KCNT1: variants seen among roughly 807,000 people sequenced by gnomAD.
KCNT1 encodes the protein potassium channel subfamily T member 1.
A neutral mutation model predicts 147.8 loss-of-function variants in KCNT1; 78 were observed. The ratio of observed to expected loss-of-function variants is 0.53; its 90% confidence interval spans 0.44 to 0.64. The LOEUF (loss-of-function observed/expected upper bound fraction) is 0.64. KCNT1 is among the 30% of genes least tolerant of loss of function. The pLI, the probability that KCNT1 is intolerant of heterozygous loss-of-function variation, is 0.00. For missense variants in KCNT1, 1,419 were observed against 1,750.3 expected (o/e 0.81, Z 3.38); for synonymous variants, 867 against 748.8 (o/e 1.16, Z -2.58).
At chr9:135,723,929 G>A (rs117058590) in intron 2 of KCNT1, among the ~76,000 whole-genome samples, 2,260 of 152,290 alleles carry the variant, frequency 0.015, 71 homozygotes, top group East Asian at 0.11. Flanking sequence ...ACCAGTGTCC[G>A]TTCCCCTGAG....
chr9:135,779,117 C>T (rs1461124510), intron 23 of KCNT1, among the ~76,000 whole-genome samples: 1 of 148,394 alleles, frequency 6.7e-6, no homozygotes, highest in African/African-American at 2.5e-5. Context: ...CAGCCACGAC[C>T]ACAAGCCCTC....
intron 29 of KCNT1, among the ~76,000 whole-genome samples, chr9:135,788,652 G>C (rs1325604759): frequency 6.6e-6 from 1 of 152,214 alleles, no homozygotes; most frequent in East Asian, 1.9e-4. Flanking sequence ...GGATGCAGGG[G>C]TGGGGACTCC....
At chr9:135,743,437 A>C (rs954892457) in intron 2 of KCNT1, among the ~76,000 whole-genome samples, 1 of 151,974 alleles carries the variant, frequency 6.6e-6, no homozygotes, top group African/African-American at 2.4e-5. Flanking sequence ...ACCACCGAGC[A>C]CTCAGCACTC....
chr9:135,769,482 C>T (rs529176762), intron 15 of KCNT1, among the ~76,000 whole-genome samples: 1 of 152,264 alleles, frequency 6.6e-6, no homozygotes, highest in Admixed American at 6.5e-5. Flanking sequence ...CTAGGGGGTC[C>T]AAACTCTTCA....
intron 13 of KCNT1, among the ~76,000 whole-genome samples, chr9:135,766,377 AGGGTGGATCATCTG>A (rs1343139585): frequency 2.7e-5 from 4 of 150,728 alleles, no homozygotes; most frequent in African/African-American, 9.8e-5. Flanking sequence ...TGGACCATCC[AGGGTGGATCATCTG>A]GGGTGGACCA....
Position 135,741,129 on chromosome 9 carries a change from G to A in KCNT1, c.255-8969G>A, listed in dbSNP as rs538030124. On this transcript the variant is annotated intron_variant, in intron 2 of 30. Transcript: ENST00000371757. ...AAAATCAGTGGGGACGGCTGTCCTGGGCCTCAGGCTGTGGGACATCTGACA... is the reference window on the plus strand; with the variant it reads ...AAAATCAGTGGGGACGGCTGTCCTGAGCCTCAGGCTGTGGGACATCTGACA... Among the ~76,000 whole-genome samples, 9 of 152,334 alleles carry A rather than the reference G, an allele frequency of 5.9e-5. No individual in the cohort carries two copies. The East Asian group carries it at 1.7e-3, about 29-fold the overall frequency.
At chr9:135,751,272 CT>C (rs2131412432) in intron 4 of KCNT1, among the ~76,000 whole-genome samples, 1 of 152,134 alleles carries the variant, frequency 6.6e-6, no homozygotes, top group East Asian at 1.9e-4. Flanking sequence ...AGACTTCCAG[CT>C]GTGCCCTTAG....
In KCNT1 at chr9:135,784,745, G is replaced by A. The variant is rs1236949709; in HGVS notation, c.3028-16G>A. 3 of 1,611,682 alleles carry A rather than the reference G, an allele frequency of 1.9e-6. No individual in the cohort carries two copies. In the Admixed American group the frequency reaches 5.0e-5, roughly 27 times the overall value. On this transcript the variant is annotated splice_polypyrimidine_tract_variant and intron_variant, in intron 26 of 30. Coordinates refer to ENST00000371757, the MANE Select transcript of KCNT1 (RefSeq NM_020822.3). Reference sequence around the variant, plus strand: ...CTGCCACCTGCCCCAGCCAACTCAGGGTTCCCACCCTGCAGATGAAAATCA... The same window carrying A: ...CTGCCACCTGCCCCAGCCAACTCAGAGTTCCCACCCTGCAGATGAAAATCA...
chr9:135,714,713 G>A lies in KCNT1; in HGVS notation c.247G>A (p.Asp83Asn). 1 of 1,432,762 alleles carries A rather than the reference G, an allele frequency of 7.0e-7. No individual in the cohort carries two copies. Among genetic ancestry groups the A allele is most frequent in the Non-Finnish European group, 9.3e-7 (1 of 1,079,298 alleles). The allele number at this position is 1,432,762 out of a possible 1,614,324, so 88.8% of individuals were successfully genotyped here. Residue 83 changes from aspartate (D) to asparagine (N), a missense_variant, in exon 2 of 31, where the codon GAC becomes AAC. Asp to Asn is a conservative substitution (Grantham distance 23, BLOSUM62 1). Coordinates refer to ENST00000371757, the MANE Select transcript of KCNT1 (RefSeq NM_020822.3). This position sits in a 1 kb window ranked among gnomAD's most constrained non-coding sequence, Gnocchi z 6.2. ...LLLGDPSFQN[D>N]DRVQVEFYVN... ...GCTGGGCGACCCGTCCTTCCAGAAC[G>A]ACGACAGGTAGGGACCGGGCGCGGG...
At chr9:135,724,543 A>G (rs1443919781) in intron 2 of KCNT1, among the ~76,000 whole-genome samples, 2 of 152,258 alleles carry the variant, frequency 1.3e-5, no homozygotes, top group Non-Finnish European at 2.9e-5. Context: ...GTCATGCAAC[A>G]GAGGTCAAGT....
intron 23 of KCNT1, 116 bp from the exon 24 acceptor site, chr9:135,779,243 C>T: frequency 1.6e-6 from 1 of 639,606 alleles, no homozygotes; most frequent in Non-Finnish European, 2.7e-6. Context: ...CCTGAGACCC[C>T]CCCACAGCCA....
intron 19 of KCNT1, among the ~76,000 whole-genome samples, chr9:135,774,415 T>G (rs1235140793): frequency 7.0e-6 from 1 of 142,330 alleles, no homozygotes; most frequent in Non-Finnish European, 1.5e-5. Context: ...GTGTGTGGTG[T>G]GTGTCTGTGT....
intron 2 of KCNT1, among the ~76,000 whole-genome samples, chr9:135,736,318 G>A (rs1288413990): frequency 2.6e-5 from 4 of 152,152 alleles, no homozygotes; most frequent in Non-Finnish European, 4.4e-5. Flanking sequence ...TCTGCCGCCC[G>A]GGGTGGGCGC....
chr9:135,770,541 G>A, intron 17 of KCNT1, 94 bp downstream of exon 17: 1 of 1,476,136 alleles, frequency 6.8e-7, no homozygotes, highest in Middle Eastern at 1.9e-4. Flanking sequence ...GGTGGCCCTG[G>A]GGCGGGGCTG....
chr9:135,727,317 C>T (rs1588273186), intron 2 of KCNT1, among the ~76,000 whole-genome samples: 1 of 130,718 alleles, frequency 7.7e-6, no homozygotes, highest in Admixed American at 7.6e-5. Flanking sequence ...CCCATTCTCT[C>T]TCTCCCCCTC....
At chr9:135,729,339 G>A (rs1404053313) in intron 2 of KCNT1, among the ~76,000 whole-genome samples, 1 of 152,240 alleles carries the variant, frequency 6.6e-6, no homozygotes, top group African/African-American at 2.4e-5. Flanking sequence ...GGGGAGCTGA[G>A]AGCAACCCCC....
rs529222080 is a variant in KCNT1 at position 135,730,451 on chromosome 9, T to C, written c.254+15731T>C. ...GGGAAATTATCGTGGATGATCTGGGTGAGCCAAGATCATCACAGATTCCTA... is the reference window on the plus strand; with the variant it reads ...GGGAAATTATCGTGGATGATCTGGGCGAGCCAAGATCATCACAGATTCCTA... On this transcript the variant is annotated intron_variant, in intron 2 of 30. Transcript: ENST00000371757. This position sits in a 1 kb window ranked among gnomAD's most constrained non-coding sequence, Gnocchi z 4.7. Among the ~76,000 whole-genome samples, 6 of 152,192 alleles carry C rather than the reference T, an allele frequency of 3.9e-5. No homozygotes were observed. Among genetic ancestry groups the C allele is most frequent in the African/African-American group, 1.4e-4 (6 of 41,508 alleles).
chr9:135,785,000 C>T, intron 27 of KCNT1, 111 bp downstream of exon 27: 2 of 1,459,862 alleles, frequency 1.4e-6, no homozygotes, highest in Non-Finnish European at 1.8e-6. Flanking sequence ...CTGTGTGACC[C>T]ACAGCATCCC....
At chr9:135,782,211 A>G (rs190420857) in intron 24 of KCNT1, among the ~76,000 whole-genome samples, 1 of 152,142 alleles carries the variant, frequency 6.6e-6, no homozygotes, top group Non-Finnish European at 1.5e-5. Flanking sequence ...CTCAAAAAAA[A>G]CCAAGCAAAA....
Sources: allele counts gnomAD v4.1 joint callset (sites outside exome capture counted in the v4.1 genomes callset), GRCh38; gene constraint gnomAD v4.1.1; non-coding constraint Gnocchi (gnomAD v3.1); transcripts MANE v1.5; gene names NCBI Gene and HGNC (gene_info 2026-07-23, HGNC 2026-07-21).